The following ARHGEF39 variants were observed in gnomAD, a reference collection of about 807,000 sequenced individuals.
ARHGEF39 encodes Rho guanine nucleotide exchange factor (GEF) 39.
A neutral mutation model predicts 47.5 loss-of-function variants in ARHGEF39; 45 were observed. The ratio of observed to expected loss-of-function variants is 0.95; its 90% CI spans 0.75 to 1.22. ARHGEF39 has a LOEUF of 1.22. Among genes scored for constraint, ARHGEF39 ranks in the 50% most tolerant of loss-of-function variants. The pLI, the probability that ARHGEF39 is intolerant of heterozygous loss-of-function variation, is 0.00. For missense variants in ARHGEF39, 411 were observed against 425.3 expected (o/e 0.97, Z 0.30); for synonymous variants, 164 against 167.8 (o/e 0.98, Z 0.17).
rs1161035213 is a variant in ARHGEF39 at position 35,659,629 on chromosome 9, A to G, written c.*2358T>C. The G allele has an allele frequency of 6.6e-6, 1 of 152,208 alleles. No individual in the cohort carries two copies. Among genetic ancestry groups the G allele is most frequent in the Non-Finnish European group, 1.5e-5 (1 of 68,044 alleles). The allele number at this position is 152,208 out of a possible 1,614,324, so 9.4% of individuals were successfully genotyped here. On this transcript the variant is annotated 3_prime_UTR_variant, in exon 9 of 9. Coordinates refer to ENST00000378387, the MANE Select transcript of ARHGEF39 (RefSeq NM_032818.3). ...AGCACTACGTGTTCAGGAAACAACC[A>G]GAGAAAACCACCGTCAATGAGCACT...
chr9:35,660,333 T>C lies in ARHGEF39; in HGVS notation c.*1654A>G. 1 of 1,381,022 alleles carries C rather than the reference T, an allele frequency of 7.2e-7. No individual in the cohort carries two copies. The highest frequency in any genetic ancestry group is 9.9e-7 in the Non-Finnish European group (1 of 1,009,136). The allele number at this position is 1,381,022 out of a possible 1,614,324, so 85.5% of individuals were successfully genotyped here. A position where few individuals can be genotyped will look rare whatever the true frequency, so the allele number is the denominator to read the frequency against. On this transcript the variant is annotated 3_prime_UTR_variant, in exon 9 of 9. Transcript: ENST00000378387. ...CAAATTGCACTCTCTCTTGGCTGGC[T>C]CTGGAGACTGAGGTGATGGAGCAGA... is the stretch of plus-strand genomic sequence containing the variant.
Position 35,660,806 on chromosome 9 carries a change from C to G in ARHGEF39, c.*1181G>C, listed in dbSNP as rs769419069. 6.2e-7 allele frequency: 1 copy of G among 1,614,028 alleles called. No individual in the cohort carries two copies. The highest frequency in any genetic ancestry group is 1.3e-5 in the African/African-American group (1 of 74,922). On this transcript the variant is annotated 3_prime_UTR_variant, in exon 9 of 9. Coordinates refer to ENST00000378387, the MANE Select transcript of ARHGEF39 (RefSeq NM_032818.3). ...TGAACATGAAGCTATGGACCATCCA[C>G]GAGCTGCTGCAAGATAGCAAGCCGG...
chr9:35,660,550 T>C lies in ARHGEF39; in HGVS notation c.*1437A>G. 1 of 1,614,078 alleles carries C rather than the reference T, an allele frequency of 6.2e-7. No individual in the cohort carries two copies. Among genetic ancestry groups the C allele is most frequent in the South Asian group, 1.1e-5 (1 of 91,080 alleles). ...CACTTCTGCCCCCTTTTTTCCCTTA[T>C]CCCCAGAGCAACAGCTGGCCCAGTT... On this transcript the variant is annotated 3_prime_UTR_variant, in exon 9 of 9. Coordinates refer to ENST00000378387, the MANE Select transcript of ARHGEF39 (RefSeq NM_032818.3).
Position 35,661,809 on chromosome 9 carries a change from T to C in ARHGEF39, c.*178A>G. ...GATTACAGGCATGAGCCACTGTGCCTGGCCGTGATTTTTAAGAGTTGGTCA... is the reference window on the plus strand; with the variant it reads ...GATTACAGGCATGAGCCACTGTGCCCGGCCGTGATTTTTAAGAGTTGGTCA... On this transcript the variant is annotated 3_prime_UTR_variant, in exon 9 of 9. Coordinates refer to ENST00000378387, the MANE Select transcript of ARHGEF39 (RefSeq NM_032818.3). 1 of 701,174 alleles carries C rather than the reference T, an allele frequency of 1.4e-6. No individual in the cohort carries two copies. The highest frequency in any genetic ancestry group is 2.3e-6 in the Non-Finnish European group (1 of 426,234). The allele number at this position is 701,174 out of a possible 1,614,324, so 43.4% of individuals were successfully genotyped here.
chr9:35,661,856 C>G lies in ARHGEF39; in HGVS notation c.*131G>C. 1 of 1,161,718 alleles carries G rather than the reference C, an allele frequency of 8.6e-7. No homozygotes were observed. Among genetic ancestry groups the G allele is most frequent in the Admixed American group, 2.3e-5 (1 of 43,338 alleles). The allele number at this position is 1,161,718 out of a possible 1,614,324, so 72.0% of individuals were successfully genotyped here. Reference sequence around the variant, plus strand: ...GTCAGATGATCTGGAGTAGCTTGGTCCAGGCAAACAGAAAGTGACCTTTGT... The same window carrying G: ...GTCAGATGATCTGGAGTAGCTTGGTGCAGGCAAACAGAAAGTGACCTTTGT... On this transcript the variant is annotated 3_prime_UTR_variant, in exon 9 of 9. Transcript: ENST00000378387.
Position 35,661,212 on chromosome 9 carries a change from G to A in ARHGEF39, c.*775C>T, listed in dbSNP as rs759876777. ...ATGGAGTGCTCCTGTGTGTTTTTTC[G>A]ATCCTAGTTGGTTGTACACACCCAT... On this transcript the variant is annotated 3_prime_UTR_variant, in exon 9 of 9. Transcript: ENST00000378387. 5.2e-6 allele frequency: 8 copies of A among 1,549,488 alleles called. No homozygotes were observed. Among genetic ancestry groups the A allele is most frequent in the Admixed American group, 1.8e-5 (1 of 55,644 alleles).
chr9:35,660,525 C>G lies in ARHGEF39; in HGVS notation c.*1462G>C. 1 of 1,612,812 alleles carries G rather than the reference C, an allele frequency of 6.2e-7. No individual in the cohort carries two copies. Among genetic ancestry groups the G allele is most frequent in the Non-Finnish European group, 8.5e-7 (1 of 1,178,880 alleles). ...TAGGGGACAGCAGAAGATACATAACCACTTCTGCCCCCTTTTTTCCCTTAT... is the reference window on the plus strand; with the variant it reads ...TAGGGGACAGCAGAAGATACATAACGACTTCTGCCCCCTTTTTTCCCTTAT... On this transcript the variant is annotated 3_prime_UTR_variant, in exon 9 of 9. Coordinates refer to ENST00000378387, the MANE Select transcript of ARHGEF39 (RefSeq NM_032818.3).
In ARHGEF39 at chr9:35,662,267, G is replaced by A; in HGVS notation, c.904C>T (p.Leu302=). The A allele has an allele frequency of 1.9e-6, 3 of 1,613,454 alleles. No homozygotes were observed. The highest frequency in any genetic ancestry group is 1.3e-5 in the African/African-American group (1 of 75,044). The change falls in exon 8 of 9, where the codon CTG becomes TTG. Residue 302 remains leucine (L), a splice_region_variant and synonymous_variant. Coordinates refer to ENST00000378387, the MANE Select transcript of ARHGEF39 (RefSeq NM_032818.3). ...SGGPCGGLLS[L]SFPHEKLLLM... ...AGTAGCTTCTCATGAGGGAAGGACA[G>A]CTAGAGAGAGACCACCTCTTAGCGC...
chr9:35,662,915 T>C lies in ARHGEF39; in HGVS notation c.673+31A>G, dbSNP rs199723021. ...TAGATAAAAATAAAAGATGGGGCAGTTGAGGATTGAAGGGGAAGTAGGCAA... is the reference window on the plus strand; with the variant it reads ...TAGATAAAAATAAAAGATGGGGCAGCTGAGGATTGAAGGGGAAGTAGGCAA... On this transcript the variant is annotated intron_variant, in intron 6 of 8. Coordinates refer to ENST00000378387, the MANE Select transcript of ARHGEF39 (RefSeq NM_032818.3). 15 of 1,603,100 alleles carry C rather than the reference T, an allele frequency of 9.4e-6. No homozygotes were observed. In the Admixed American group the frequency reaches 2.3e-4, roughly 25 times the overall value.
Position 35,665,075 on chromosome 9 carries a change from TC to T in ARHGEF39, c.94del (p.Glu32ArgfsTer21), listed in dbSNP as rs773337291. ...CTGTTCTTGGTAGCGCCGCTCGGTC[TC>T]TAGCAGCTCCCGGGCGGTGCAGGCG... ...KRACTARELL[E>X]TERRYQEQLG... is the part of the protein sequence containing the mutation. On this transcript the variant is annotated frameshift_variant, in exon 1 of 9. Coordinates refer to ENST00000378387, the MANE Select transcript of ARHGEF39 (RefSeq NM_032818.3). LOFTEE classifies it high-confidence loss of function. 2.5e-5 allele frequency: 39 copies of T among 1,560,094 alleles called. No individual in the cohort carries two copies. The East Asian group carries it at 9.1e-4, about 37-fold the overall frequency.
At position 35,661,115 on chromosome 9, in the gene ARHGEF39, C is replaced by A. The variant is rs746812364; in HGVS notation, c.*872G>T. ...GGTGCAGCCAGGCTGTGGCAAAGGGCCCCAGTCACAGCCTTGGCTGGGAAG... is the reference window on the plus strand; with the variant it reads ...GGTGCAGCCAGGCTGTGGCAAAGGGACCCAGTCACAGCCTTGGCTGGGAAG... On this transcript the variant is annotated 3_prime_UTR_variant, in exon 9 of 9. Transcript: ENST00000378387. The A allele has an allele frequency of 3.0e-5, 48 of 1,613,780 alleles. No homozygotes were observed. The South Asian group carries it at 4.9e-4, about 17-fold the overall frequency.
rs1050526849 is a variant in ARHGEF39 at position 35,661,827 on chromosome 9, G to C, written c.*160C>G. 7 of 826,500 alleles carry C rather than the reference G, an allele frequency of 8.5e-6. No homozygotes were observed. The highest frequency in any genetic ancestry group is 9.5e-6 in the Non-Finnish European group (5 of 527,456). The allele number at this position is 826,500 out of a possible 1,614,324, so 51.2% of individuals were successfully genotyped here. On this transcript the variant is annotated 3_prime_UTR_variant, in exon 9 of 9. Coordinates refer to ENST00000378387, the MANE Select transcript of ARHGEF39 (RefSeq NM_032818.3). ...CTGTGCCTGGCCGTGATTTTTAAGA[G>C]TTGGTCAGATGATCTGGAGTAGCTT...
chr9:35,662,057 A>G, intron 8 of ARHGEF39, 55 bp from the exon 9 acceptor site: 1 of 1,611,502 alleles, frequency 6.2e-7, no homozygotes, highest in East Asian at 2.2e-5. Flanking sequence ...TATTCAGACA[A>G]AATCATCTGG....
rs1261036353 is a variant in ARHGEF39 at position 35,662,266 on chromosome 9, A to G, written c.905T>C (p.Leu302Pro). The G allele has an allele frequency of 3.1e-6, 5 of 1,613,394 alleles. No homozygotes were observed. Among genetic ancestry groups the G allele is most frequent in the Non-Finnish European group, 4.2e-6 (5 of 1,179,402 alleles). ...CAGTAGCTTCTCATGAGGGAAGGAC[A>G]GCTAGAGAGAGACCACCTCTTAGCG... Reference protein sequence around the residue: ...SGGPCGGLLSLSFPHEKLLLM... With the variant: ...SGGPCGGLLSPSFPHEKLLLM... The change falls in exon 8 of 9, where the codon CTG becomes CCG. Residue 302 changes from leucine (L) to proline (P), a missense_variant and splice_region_variant. Leu to Pro is a moderately conservative substitution (Grantham distance 98). Transcript: ENST00000378387.
chr9:35,662,509 T>C lies in ARHGEF39; in HGVS notation c.903+3A>G. 4 of 1,611,398 alleles carry C rather than the reference T, an allele frequency of 2.5e-6. No homozygotes were observed. Among genetic ancestry groups the C allele is most frequent in the Non-Finnish European group, 3.4e-6 (4 of 1,178,800 alleles). ...GGGTCTAGGGTTCCCACCTATTACT[T>C]ACACTGAGCAACCCACCACAAGGGC... On this transcript the variant is annotated splice_donor_region_variant and intron_variant, in intron 7 of 8. Transcript: ENST00000378387.
intron 2 of ARHGEF39, 25 bp from the exon 3 acceptor site, chr9:35,664,517 G>T: frequency 6.3e-7 from 1 of 1,583,090 alleles, no homozygotes; most frequent in Non-Finnish European, 8.6e-7. Flanking sequence ...ACAGCAAAAG[G>T]GCAGCTCTAG....
intron 1 of ARHGEF39, 51 bp from the exon 2 acceptor site, chr9:35,664,901 C>CG: frequency 6.3e-7 from 1 of 1,577,798 alleles, no homozygotes; most frequent in Admixed American, 1.8e-5. Context: ...AGAAGGCTAA[C>CG]GCCAAGCGCC....
intron 5 of ARHGEF39, 107 bp from the exon 6 acceptor site, chr9:35,663,181 G>A (rs1179500876): frequency 6.3e-7 from 1 of 1,583,632 alleles, no homozygotes; most frequent in Non-Finnish European, 8.7e-7. Flanking sequence ...CTGACTTCTT[G>A]AAGAAAAGGC....
In ARHGEF39 at chr9:35,664,373, T is replaced by C. The variant is rs1186356630; in HGVS notation, c.353A>G (p.Gln118Arg). 6.2e-7 allele frequency: 1 copy of C among 1,602,912 alleles called. No individual in the cohort carries two copies. The highest frequency in any genetic ancestry group is 1.1e-5 in the South Asian group (1 of 89,346). Residue 118 changes from glutamine to arginine, a missense_variant and splice_region_variant, in exon 3 of 9, where the codon CAG (glutamine) becomes CGG (arginine). Coordinates refer to ENST00000378387, the MANE Select transcript of ARHGEF39 (RefSeq NM_032818.3). ...GATTTGAGGTCATCTCCAGGTTACCTGCAGGGTGGTCTGGGACCTCTCTGA... is the reference window on the plus strand; with the variant it reads ...GATTTGAGGTCATCTCCAGGTTACCCGCAGGGTGGTCTGGGACCTCTCTGA... Reference protein sequence around the residue: ...ANSERSQTTLQEQLKKNKGFR... With the variant: ...ANSERSQTTLREQLKKNKGFR...
Sources: allele counts gnomAD v4.1 joint callset, GRCh38; gene constraint gnomAD v4.1.1; transcripts MANE v1.5; gene names NCBI Gene and HGNC (gene_info 2026-07-23, HGNC 2026-07-21).